The following ADCY3 variants were observed in gnomAD, a reference collection of about 807,000 sequenced individuals.
ADCY3 encodes the protein adenylate cyclase 3.
A neutral mutation model predicts 119.4 loss-of-function variants in ADCY3; 70 were observed. That is an observed-to-expected ratio of 0.59 (90% confidence interval 0.48 to 0.72). The LOEUF is 0.72. ADCY3 is among the 30% of genes least tolerant of loss of function. ADCY3 has a pLI of 0.00. For synonymous variants in ADCY3, 672 were observed against 621.4 expected (o/e 1.08, Z -1.21); for missense variants, 1,238 against 1,541.6 (o/e 0.80, Z 3.30).
At chr2:24,900,564 G>A (rs1678791820) in intron 2 of ADCY3, among the ~76,000 whole-genome samples, 1 of 151,912 alleles carries the variant, frequency 6.6e-6, no homozygotes, top group Non-Finnish European at 1.5e-5. Context: ...ACAGGAGAAG[G>A]CAGTCCTGAG....
At chr2:24,840,605 G>A (rs762191929) in intron 6 of ADCY3, 2 of 457,908 alleles carry the variant, frequency 4.4e-6, no homozygotes, top group African/African-American at 2.0e-5. Context: ...CCATCCCATG[G>A]GGGAGGGGCC....
At chr2:24,916,059 C>T (rs1324653193) in intron 2 of ADCY3, among the ~76,000 whole-genome samples, 1 of 152,244 alleles carries the variant, frequency 6.6e-6, no homozygotes, top group African/African-American at 2.4e-5. Flanking sequence ...CCCTCCTGCT[C>T]TGTTCCCAAA....
chr2:24,866,993 G>C (rs187222015), intron 3 of ADCY3, among the ~76,000 whole-genome samples: 2 of 152,306 alleles, frequency 1.3e-5, no homozygotes, highest in East Asian at 3.9e-4. Flanking sequence ...AGGAGCGAAT[G>C]GGAAGAAGCA....
chr2:24,882,222 G>A (rs1676485856), intron 2 of ADCY3, among the ~76,000 whole-genome samples: 1 of 151,458 alleles, frequency 6.6e-6, no homozygotes, highest in Non-Finnish European at 1.5e-5. Context: ...GGTGTAGATG[G>A]TCAAAACCAG....
chr2:24,838,941 ATT>A (rs377483153), intron 7 of ADCY3: 39,661 of 1,095,020 alleles, frequency 0.036, 2 homozygotes, highest in East Asian at 0.044. Context: ...GCGATAAGGA[ATT>A]TTTTTTTTTT....
rs959778052 is a variant in ADCY3 at position 24,821,035 on chromosome 2, G to A, written c.3128-187C>T. 8 of 813,228 alleles carry A rather than the reference G, an allele frequency of 9.8e-6. No homozygotes were observed. In the East Asian group the frequency reaches 2.0e-4, roughly 21 times the overall value. 50.4% of individuals were successfully genotyped at this position (813,228 alleles called of 1,614,324 possible). A position where few individuals can be genotyped will look rare whatever the true frequency, so the allele number is the denominator to read the frequency against. ...TCCTGTTTATCCGTGTGCTTGTTAG[G>A]TGTCAGCCGCCACCCCCCCCCCATA... On this transcript the variant is annotated intron_variant, in intron 20 of 21. Transcript: ENST00000679454.
At chr2:24,881,171 C>T (rs564631658) in intron 2 of ADCY3, among the ~76,000 whole-genome samples, 1 of 152,306 alleles carries the variant, frequency 6.6e-6, no homozygotes, top group East Asian at 1.9e-4. Context: ...GAACACCACA[C>T]ACTAAGAACC....
chr2:24,867,282 A>T (rs531967705), intron 3 of ADCY3, among the ~76,000 whole-genome samples: 1 of 152,362 alleles, frequency 6.6e-6, no homozygotes, highest in South Asian at 2.1e-4. Flanking sequence ...GGCTAGAAGT[A>T]AAAAATGGCA....
chr2:24,838,096 C>T (rs1489267037), intron 8 of ADCY3, among the ~76,000 whole-genome samples: 1 of 149,076 alleles, frequency 6.7e-6, no homozygotes, highest in African/African-American at 2.5e-5. Flanking sequence ...CCCTGAGCAT[C>T]CACGTCACTC....
intron 2 of ADCY3, among the ~76,000 whole-genome samples, chr2:24,900,764 T>C (rs1678811830): frequency 6.6e-6 from 1 of 152,174 alleles, no homozygotes; most frequent in African/African-American, 2.4e-5. Flanking sequence ...CATGCATTAC[T>C]TCCTGTGGAC....
intron 2 of ADCY3, among the ~76,000 whole-genome samples, chr2:24,915,577 G>A (rs544366336): frequency 1.3e-5 from 2 of 152,286 alleles, no homozygotes; most frequent in East Asian, 3.9e-4. Context: ...GTCTCACTCT[G>A]TCGCCCAGGC....
At chr2:24,838,692 C>A in intron 7 of ADCY3, 70 bp from the exon 8 acceptor site, 1 of 1,598,118 alleles carries the variant, frequency 6.3e-7, no homozygotes, top group Non-Finnish European at 8.5e-7. Flanking sequence ...GGACAGTCCA[C>A]GGACCACGGC....
intron 14 of ADCY3, 118 bp downstream of exon 14, chr2:24,827,783 GC>G: frequency 6.7e-7 from 1 of 1,497,868 alleles, no homozygotes; most frequent in East Asian, 2.3e-5. Flanking sequence ...TCTTGAACAA[GC>G]CTTTGAGGAC....
At chr2:24,884,298 C>T (rs1431077084) in intron 2 of ADCY3, among the ~76,000 whole-genome samples, 1 of 152,086 alleles carries the variant, frequency 6.6e-6, no homozygotes, top group Non-Finnish European at 1.5e-5. Flanking sequence ...CCAGGTGATT[C>T]TCTTCTACAG....
rs148454744 is a variant in ADCY3, at chr2:24,864,112, C to T, written c.825+8458G>A. Among the ~76,000 whole-genome samples the T allele has an allele frequency of 6.2e-3, 944 of 152,242 alleles. 8 individuals are homozygous for T. The highest frequency in any genetic ancestry group is 0.022 in the African/African-American group (895 of 41,538). On this transcript the variant is annotated intron_variant, in intron 3 of 21. Transcript: ENST00000679454. Reference sequence around the variant, plus strand: ...GACTAGCCTGTCTAACATGGTGAAACCCCGTCTCTACTAAAAATACAAGAA... The same window carrying T: ...GACTAGCCTGTCTAACATGGTGAAATCCCGTCTCTACTAAAAATACAAGAA...
Position 24,841,512 on chromosome 2 carries a change from G to A in ADCY3, c.1068+44C>T, listed in dbSNP as rs749588132. 5 of 1,598,178 alleles carry A rather than the reference G, an allele frequency of 3.1e-6. No individual in the cohort carries two copies. The highest frequency in any genetic ancestry group is 3.4e-6 in the Non-Finnish European group (4 of 1,170,522). ...GGGATGGGGGCCAGGCAGAGGCCAT[G>A]AGGGCAGGCCCCGCTGGAGAGCCAG... On this transcript the variant is annotated intron_variant, in intron 5 of 21. Coordinates refer to ENST00000679454, the MANE Select transcript of ADCY3 (RefSeq NM_004036.5). The surrounding 1 kb of genome is among the most constrained non-coding windows in gnomAD (Gnocchi z 5.8).
rs753347971 is a variant in ADCY3, at chr2:24,827,903, C to T, written c.2431G>A (p.Asp811Asn). 65 of 1,613,904 alleles carry T rather than the reference C, an allele frequency of 4.0e-5. No homozygotes were observed. The East Asian group carries it at 8.9e-4, about 22-fold the overall frequency. The change falls in exon 14 of 22, where the codon GAC becomes AAC. Residue 811 changes from aspartate (D) to asparagine (N), a missense_variant and splice_region_variant. This residue lies in a region of ADCY3 where 499 missense variants were observed against 571.0 expected (regional missense o/e 0.87). Transcript: ENST00000679454. ...ATCCCCAGTCACGCTTCATCTTACT[C>T]GTGCTCCCGAAAACGCTTGTGGTCG... ...EYDHKRFREH[D>N]LPMVALEQMQ...
At chr2:24,904,165 A>AAGAG (rs1237274710) in intron 2 of ADCY3, among the ~76,000 whole-genome samples, 2 of 151,994 alleles carry the variant, frequency 1.3e-5, no homozygotes, top group African/African-American at 4.8e-5. Context: ...AAGAAAGAAA[A>AAGAG]AGAGAGAGAG....
chr2:24,883,356 T>A (rs201766360), intron 2 of ADCY3, among the ~76,000 whole-genome samples: 6 of 150,776 alleles, frequency 4.0e-5, no homozygotes, highest in African/African-American at 1.2e-4. Flanking sequence ...TCAAAAAAAA[T>A]AAAAAAAAGA....
Sources: allele counts gnomAD v4.1 joint callset (sites outside exome capture counted in the v4.1 genomes callset), GRCh38; gene constraint gnomAD v4.1.1; regional missense constraint gnomAD v4.1.1; non-coding constraint Gnocchi (gnomAD v3.1); transcripts MANE v1.5; gene names NCBI Gene and HGNC (gene_info 2026-07-23, HGNC 2026-07-21).